The following DMD variants were observed in gnomAD, a reference collection of about 807,000 sequenced individuals.
DMD encodes dystrophin.
DMD carries 63 observed loss-of-function variants against 330.1 expected under a neutral mutation model. That is an observed-to-expected ratio of 0.19 (90% confidence interval 0.16 to 0.24). DMD has a LOEUF of 0.24. Among genes scored for constraint, DMD ranks in the 10% least tolerant of loss-of-function variants. DMD has a pLI of 1.00. For synonymous variants in DMD, 1,223 were observed against 959.8 expected, an observed-to-expected ratio of 1.27 and a Z score of -5.07; for missense variants, 3,344 against 2,684.1, an observed-to-expected ratio of 1.25 and a Z score of -5.43.
At chrX:31,131,376 C>T (rs1426857368) in intron 77 of DMD, among the ~76,000 whole-genome samples, 1 of 111,653 alleles carries the variant, frequency 9.0e-6, no homozygotes, top group East Asian at 2.8e-4. Flanking sequence ...ACTTTTGTTT[C>T]TGATCTTTGT....
chrX:31,678,262 C>A (rs758294518), intron 53 of DMD, among the ~76,000 whole-genome samples: 3 of 111,751 alleles, frequency 2.7e-5, no homozygotes, highest in Non-Finnish European at 5.6e-5. Flanking sequence ...GATGACATAA[C>A]CAATTTGAGA....
At chrX:32,496,431 C>A (rs771100878) in intron 19 of DMD, among the ~76,000 whole-genome samples, 4 of 111,731 alleles carry the variant, frequency 3.6e-5, no homozygotes, top group African/African-American at 6.5e-5. Flanking sequence ...TTTCTGTGAC[C>A]ACACTGACTT....
chrX:32,829,620 T>C (rs751885235), intron 4 of DMD, among the ~76,000 whole-genome samples: 3 of 112,053 alleles, frequency 2.7e-5, no homozygotes, highest in South Asian at 7.3e-4. Flanking sequence ...TTTTTGTTTC[T>C]ATTTTTACAA....
intron 17 of DMD, among the ~76,000 whole-genome samples, chrX:32,520,092 C>T (rs2046272158): frequency 8.9e-6 from 1 of 111,750 alleles, no homozygotes; most frequent in Non-Finnish European, 1.9e-5. Context: ...TCCCATGTCA[C>T]TGAATGTCAG....
intron 2 of DMD, among the ~76,000 whole-genome samples, chrX:32,903,525 G>A (rs937117911): frequency 9.0e-6 from 1 of 111,317 alleles, no homozygotes; most frequent in African/African-American, 3.3e-5. Flanking sequence ...TACCCAGGGA[G>A]CTTTCTTAAA....
chrX:31,584,024 T>G (rs1471957318), intron 55 of DMD, among the ~76,000 whole-genome samples: 1 of 105,877 alleles, frequency 9.4e-6, no homozygotes, highest in Admixed American at 1.0e-4. Flanking sequence ...TTTTTTGTCC[T>G]TGCCATAGTT....
chrX:32,500,153 G>C (rs2043906946), intron 19 of DMD, among the ~76,000 whole-genome samples: 1 of 110,346 alleles, frequency 9.1e-6, no homozygotes, highest in African/African-American at 3.3e-5. Flanking sequence ...AGTGTTCCCT[G>C]GTATCTGCCA....
At chrX:31,288,610 T>G (rs7051574) in intron 62 of DMD, among the ~76,000 whole-genome samples, 31,499 of 110,885 alleles carry the variant, frequency 0.28, 4,517 homozygotes, top group African/African-American at 0.56. Context: ...TATAGGGCCA[T>G]GTAGAGGTGG....
chrX:31,615,446 G>C (rs1448378734), intron 55 of DMD, among the ~76,000 whole-genome samples: 1 of 111,931 alleles, frequency 8.9e-6, no homozygotes, highest in African/African-American at 3.2e-5. Flanking sequence ...TTACCAAACT[G>C]TGTTTCAGGC....
At chrX:33,217,141 G>A (rs1303954887) in intron 1 of DMD, among the ~76,000 whole-genome samples, 1 of 111,160 alleles carries the variant, frequency 9.0e-6, no homozygotes, top group East Asian at 2.8e-4. Flanking sequence ...GATCCATATT[G>A]GTTGAAATGT....
At chrX:33,324,186 G>A (rs1019914268) in intron 1 of DMD, among the ~76,000 whole-genome samples, 3 of 111,106 alleles carry the variant, frequency 2.7e-5, no homozygotes, top group South Asian at 3.8e-4. Flanking sequence ...AACTTATTTC[G>A]GAGGTGATCC....
At chrX:32,688,149 T>C (rs1158931462) in intron 9 of DMD, among the ~76,000 whole-genome samples, 2 of 111,156 alleles carry the variant, frequency 1.8e-5, no homozygotes, top group East Asian at 5.7e-4. Context: ...CTAAATTCCA[T>C]CCAATAATTC....
chrX:33,062,559 C>T (rs2094594464), intron 1 of DMD, among the ~76,000 whole-genome samples: 1 of 112,166 alleles, frequency 8.9e-6, no homozygotes, highest in Admixed American at 9.5e-5. Flanking sequence ...TCACTGCAAC[C>T]TCCACCTCCC....
intron 1 of DMD, among the ~76,000 whole-genome samples, chrX:33,269,005 C>A (rs945706474): frequency 1.4e-4 from 15 of 109,830 alleles, no homozygotes; most frequent in African/African-American, 4.6e-4. Context: ...TAAATTATTT[C>A]AGCCCCCGTG....
At chrX:32,270,540 G>T (rs2097361496) in intron 43 of DMD, among the ~76,000 whole-genome samples, 1 of 111,931 alleles carries the variant, frequency 8.9e-6, no homozygotes, top group Non-Finnish European at 1.9e-5. Flanking sequence ...TCTTGAAATG[G>T]GTTCACTAAC....
intron 18 of DMD, chrX:32,516,517 T>A (rs1325614713): frequency 9.0e-6 from 1 of 111,671 alleles, no homozygotes. Context: ...AAATTTATAT[T>A]CCTGAAATAC....
Position 32,852,671 on chromosome X carries a change from G to A in DMD, c.94-2851C>T, listed in dbSNP as rs139335087. 7.9e-3 allele frequency among the ~76,000 whole-genome samples: 861 copies of A among 108,845 alleles called. 7 individuals carry two copies. The highest frequency in any genetic ancestry group is 0.028 in the African/African-American group (827 of 29,721). 94.5% of individuals were successfully genotyped at this position (108,845 alleles called of 115,157 possible). A position where few individuals can be genotyped will look rare whatever the true frequency, so the allele number is the denominator to read the frequency against. On this transcript the variant is annotated intron_variant, in intron 2 of 78. Transcript: ENST00000357033. ...CTGAGGAGAACCCACTGCACAGAAC[G>A]GAGAGACCCAGGCCTCGCAGCGTTT...
intron 1 of DMD, among the ~76,000 whole-genome samples, chrX:33,243,390 C>CA (rs1291223973): frequency 9.0e-6 from 1 of 111,196 alleles, no homozygotes; most frequent in African/African-American, 3.3e-5. Flanking sequence ...AACAAATAAA[C>CA]AAAAAAATCT....
intron 3 of DMD, 37 bp from the exon 4 acceptor site, chrX:32,844,897 G>A: frequency 9.3e-7 from 1 of 1,070,068 alleles, no homozygotes; most frequent in Admixed American, 2.2e-5. Context: ...CTGACCAGCA[G>A]AGAGACCGAC....
Sources: gnomAD v4.1 joint callset for allele counts (sites outside exome capture counted in the v4.1 genomes callset) on GRCh38, gnomAD v4.1.1 for gene constraint, MANE v1.5 for transcripts, NCBI Gene and HGNC (gene_info 2026-07-23, HGNC 2026-07-21) for gene names.